The following NUP93 variants were observed in gnomAD, a reference collection of about 807,000 sequenced individuals.
NUP93 encodes nuclear pore complex protein Nup93.
NUP93 carries 55 observed loss-of-function variants against 107.8 expected under a neutral mutation model. The ratio of observed to expected loss-of-function variants is 0.51; its 90% CI spans 0.41 to 0.64. The LOEUF is 0.64. NUP93 is among the 30% of genes least tolerant of loss of function. The pLI is 0.00. For missense variants in NUP93, 937 were observed against 1,044.7 expected, an observed-to-expected ratio of 0.90 and a Z score of 1.42; for synonymous variants, 390 against 397.5, an observed-to-expected ratio of 0.98 and a Z score of 0.22.
At chr16:56,822,753 G>A (rs961349915) in intron 7 of NUP93, among the ~76,000 whole-genome samples, 2 of 151,558 alleles carry the variant, frequency 1.3e-5, no homozygotes, top group East Asian at 2.0e-4. Flanking sequence ...TGGTAGAGAC[G>A]GGGTTTCACC....
chr16:56,815,887 C>CTGCTGCTGG (rs1963415028), intron 5 of NUP93, among the ~76,000 whole-genome samples: 1 of 139,406 alleles, frequency 7.2e-6, no homozygotes, highest in Non-Finnish European at 1.7e-5. Flanking sequence ...GCTGCTGCTG[C>CTGCTGCTGG]TGCTGCTGCT....
intron 3 of NUP93, among the ~76,000 whole-genome samples, chr16:56,762,524 G>T (rs1403892627): frequency 6.6e-6 from 1 of 152,212 alleles, no homozygotes; most frequent in Non-Finnish European, 1.5e-5. Flanking sequence ...CACATTGTAT[G>T]CTTGTATCAA....
At chr16:56,826,409 G>T (rs934974922) in intron 8 of NUP93, among the ~76,000 whole-genome samples, 2 of 151,740 alleles carry the variant, frequency 1.3e-5, no homozygotes, top group Non-Finnish European at 2.9e-5. Context: ...CCAGCTACTT[G>T]GGAGACTGAG....
chr16:56,731,925 A>G (rs1961541974), intron 1 of NUP93, among the ~76,000 whole-genome samples: 1 of 151,662 alleles, frequency 6.6e-6, no homozygotes, highest in South Asian at 2.1e-4. Flanking sequence ...ATGGGTCCCC[A>G]TCTCATTAAT....
At position 56,837,722 on chromosome 16, in the gene NUP93, G is replaced by A. The variant is rs764196494; in HGVS notation, c.2014G>A (p.Glu672Lys). The A allele has an allele frequency of 4.5e-5, 73 of 1,612,154 alleles. No homozygotes were observed. The highest frequency in any genetic ancestry group is 5.9e-5 in the Non-Finnish European group (69 of 1,178,734). The change falls in exon 18 of 22, where the codon GAA becomes AAA. Residue 672 changes from glutamate to lysine, a missense_variant. Transcript: ENST00000308159. ...GAAGAACATGGCACTCTCCATTGCC[G>A]AACGGTAAGCCAGGAGCTGGCTCCA... is the stretch of plus-strand genomic sequence containing the variant. ...RLKNMALSIA[E>K]RYRAQGISAN...
At chr16:56,831,755 A>T in intron 10 of NUP93, 87 bp from the exon 11 acceptor site, 1 of 1,354,834 alleles carries the variant, frequency 7.4e-7, no homozygotes, top group Non-Finnish European at 1.0e-6. Context: ...CCCTGCTTTT[A>T]TGTGTTTGGG....
intron 9 of NUP93, 79 bp from the exon 10 acceptor site, chr16:56,830,449 G>A: frequency 7.3e-7 from 1 of 1,363,430 alleles, no homozygotes; most frequent in Non-Finnish European, 9.9e-7. Context: ...AAGGAGAGGG[G>A]CTTAGCTCGG....
intron 5 of NUP93, among the ~76,000 whole-genome samples, chr16:56,813,240 T>C (rs1963353319): frequency 6.6e-6 from 1 of 152,262 alleles, no homozygotes; most frequent in Non-Finnish European, 1.5e-5. Context: ...GCATCTGTTT[T>C]ACATCTCAAC....
intron 18 of NUP93, among the ~76,000 whole-genome samples, chr16:56,838,335 G>T (rs1226407638): frequency 1.3e-5 from 2 of 152,182 alleles, no homozygotes; most frequent in Admixed American, 6.5e-5. Context: ...ACAATCCCCA[G>T]TGAGGGCTGC....
intron 1 of NUP93, among the ~76,000 whole-genome samples, chr16:56,747,460 C>T (rs1961839506): frequency 6.6e-6 from 1 of 151,866 alleles, no homozygotes; most frequent in East Asian, 1.9e-4. Context: ...TCTAATGTCC[C>T]GAATGTCATA....
At chr16:56,750,965 C>T (rs1399915853) in intron 2 of NUP93, among the ~76,000 whole-genome samples, 1 of 152,052 alleles carries the variant, frequency 6.6e-6, no homozygotes, top group Non-Finnish European at 1.5e-5. Flanking sequence ...TCAAGACCAG[C>T]CTGGACAACA....
intron 3 of NUP93, among the ~76,000 whole-genome samples, chr16:56,772,930 G>A (rs1424215952): frequency 6.6e-6 from 1 of 152,238 alleles, no homozygotes; most frequent in Admixed American, 6.5e-5. Context: ...CCTCCAGCCT[G>A]CTGGGAAGAG....
At position 56,805,535 on chromosome 16, in the gene NUP93, A is replaced by T; in HGVS notation, c.392A>T (p.Glu131Val). ...TFGMAEEYHR[E>V]SMLVEWEQVK... ...GGCATGGCTGAGGAGTACCATCGGG[A>T]GTCAATGTTGGTTGAGTGGGAGCAA... Residue 131 changes from glutamate (E) to valine (V), a missense_variant, in exon 5 of 22, where the codon GAG (glutamate) becomes GTG (valine). Coordinates refer to ENST00000308159, the MANE Select transcript of NUP93 (RefSeq NM_014669.5). The T allele has an allele frequency of 6.2e-7, 1 of 1,613,784 alleles. No homozygotes were observed. Among genetic ancestry groups the T allele is most frequent in the Non-Finnish European group, 8.5e-7 (1 of 1,179,950 alleles).
intron 4 of NUP93, among the ~76,000 whole-genome samples, chr16:56,803,842 T>A (rs1963075080): frequency 6.6e-6 from 1 of 152,136 alleles, no homozygotes; most frequent in Non-Finnish European, 1.5e-5. Flanking sequence ...CAGTCACAGC[T>A]CACTGCAACC....
chr16:56,801,958 T>A (rs1963029836), intron 4 of NUP93, among the ~76,000 whole-genome samples: 1 of 152,206 alleles, frequency 6.6e-6, no homozygotes, highest in Non-Finnish European at 1.5e-5. Context: ...TCTTCAGCAG[T>A]CTCTGTGGGT....
chr16:56,752,137 C>G (rs182554664), intron 2 of NUP93, among the ~76,000 whole-genome samples: 14 of 152,274 alleles, frequency 9.2e-5, no homozygotes, highest in African/African-American at 3.4e-4. Context: ...TATTTTGGCA[C>G]TGGATACATT....
chr16:56,792,390 A>T (rs1243574869), intron 3 of NUP93, among the ~76,000 whole-genome samples: 1 of 152,186 alleles, frequency 6.6e-6, no homozygotes, highest in Non-Finnish European at 1.5e-5. Flanking sequence ...ATTTGCTATG[A>T]TGAGAGATAG....
At chr16:56,738,482 T>C (rs1304173164) in intron 1 of NUP93, among the ~76,000 whole-genome samples, 4 of 152,198 alleles carry the variant, frequency 2.6e-5, no homozygotes, top group Admixed American at 6.5e-5. Context: ...CACCCAAGTC[T>C]TTTTCTTCTG....
chr16:56,748,782 C>A (rs1220152745), intron 2 of NUP93, among the ~76,000 whole-genome samples: 1 of 152,034 alleles, frequency 6.6e-6, no homozygotes, highest in Non-Finnish European at 1.5e-5. Flanking sequence ...GTATGGACCC[C>A]ACAGATAAGT....
Sources: gnomAD v4.1 joint callset for allele counts (sites outside exome capture counted in the v4.1 genomes callset) on GRCh38, gnomAD v4.1.1 for gene constraint, MANE v1.5 for transcripts, NCBI Gene and HGNC (gene_info 2026-07-23, HGNC 2026-07-21) for gene names.